Variants in SLC26A8 observed in about 807,000 individuals in gnomAD.
SLC26A8 encodes the protein solute carrier family 26 member 8.
A neutral mutation model predicts 105.0 loss-of-function variants in SLC26A8; 70 were observed. The observed-to-expected ratio is 0.67, with a 90% CI of 0.55 to 0.81. The LOEUF is 0.81. Among genes scored for constraint, SLC26A8 ranks in the 40% least tolerant of loss-of-function variants. The probability of loss-of-function intolerance (pLI) is 0.00; values close to 1 mark genes in which losing one functional copy is unlikely to be tolerated. For missense variants in SLC26A8, 998 were observed against 1,181.8 expected, an observed-to-expected ratio of 0.84 and a Z score of 2.28; for synonymous variants, 415 against 438.3, an observed-to-expected ratio of 0.95 and a Z score of 0.66.
intron 2 of SLC26A8, among the ~76,000 whole-genome samples, chr6:36,013,762 A>G (rs953422357): frequency 6.6e-6 from 1 of 152,222 alleles, no homozygotes; most frequent in Non-Finnish European, 1.5e-5. Context: ...TGAGCTAGAT[A>G]ATTGGGATTT....
intron 12 of SLC26A8, among the ~76,000 whole-genome samples, chr6:35,961,465 T>C (rs1772306056): frequency 6.6e-6 from 1 of 152,258 alleles, no homozygotes; most frequent in Non-Finnish European, 1.5e-5. Flanking sequence ...ATAAGAGTTG[T>C]TGCAAATCTT....
intron 16 of SLC26A8, among the ~76,000 whole-genome samples, chr6:35,957,769 G>C (rs1331560031): frequency 1.3e-5 from 2 of 152,068 alleles, no homozygotes; most frequent in Non-Finnish European, 2.9e-5. Context: ...ACTATGCTGG[G>C]CTAATTTTGT....
At chr6:36,018,704 C>T (rs1762054565) in intron 2 of SLC26A8, among the ~76,000 whole-genome samples, 1 of 152,132 alleles carries the variant, frequency 6.6e-6, no homozygotes, top group Admixed American at 6.6e-5. Context: ...AAAAATTATT[C>T]TGAAAGATGT....
chr6:35,959,289 T>C (rs1562022574), intron 16 of SLC26A8, among the ~76,000 whole-genome samples, 171 bp downstream of exon 16: 1 of 152,128 alleles, frequency 6.6e-6, no homozygotes, highest in African/African-American at 2.4e-5. Context: ...CTTTTTTTTT[T>C]CAGTCAAGCC....
At chr6:35,961,975 C>G (rs1772321108) in intron 12 of SLC26A8, among the ~76,000 whole-genome samples, 1 of 152,206 alleles carries the variant, frequency 6.6e-6, no homozygotes, top group East Asian at 1.9e-4. Context: ...CGCCTGTAAT[C>G]CCAGCACTTT....
chr6:36,020,014 T>C (rs998118901), intron 1 of SLC26A8, among the ~76,000 whole-genome samples: 3 of 152,202 alleles, frequency 2.0e-5, no homozygotes, highest in Non-Finnish European at 4.4e-5. Flanking sequence ...TGTTATGTTG[T>C]AGGAAAATGA....
chr6:35,999,926 A>G (rs1209282129), intron 4 of SLC26A8, 66 bp downstream of exon 4: 5 of 1,083,382 alleles, frequency 4.6e-6, no homozygotes, highest in Non-Finnish European at 7.0e-6. Flanking sequence ...TGGGTACCTT[A>G]GCAATAAGTA....
Position 35,960,861 on chromosome 6 carries a change from G to C in SLC26A8, c.1620C>G (p.Ser540Arg). 6.2e-7 allele frequency: 1 copy of C among 1,614,156 alleles called. No homozygotes were observed. Among genetic ancestry groups the C allele is most frequent in the Non-Finnish European group, 8.5e-7 (1 of 1,180,020 alleles). Residue 540 changes from serine (S) to arginine (R), a missense_variant, in exon 14 of 20, where the codon AGC (serine) becomes AGG (arginine). Coordinates refer to ENST00000490799, the MANE Select transcript of SLC26A8 (RefSeq NM_052961.4). ...TTCTTACCTCCCGATAATCATTGAT[G>C]CTTCTATAAATGTTGGTGTTAGGGA... ...GQIPNTNIYR[S>R]INDYREIITI...
Position 35,943,863 on chromosome 6 carries a change from G to T in SLC26A8, c.*37C>A, listed in dbSNP as rs766100778. 1 of 1,594,802 alleles carries T rather than the reference G, an allele frequency of 6.3e-7. No individual in the cohort carries two copies. Among genetic ancestry groups the T allele is most frequent in the South Asian group, 1.1e-5 (1 of 88,742 alleles). The stretch of plus-strand genomic sequence containing the variant: ...GACCCCTTTTTGGGTAGGAGGATTT[G>T]CCAGCATTATCTGACCCCTTATTTC... On this transcript the variant is annotated 3_prime_UTR_variant, in exon 20 of 20. Coordinates refer to ENST00000490799, the MANE Select transcript of SLC26A8 (RefSeq NM_052961.4).
In SLC26A8 at chr6:35,951,463, G is replaced by C. The variant is rs1302970079; in HGVS notation, c.2269C>G (p.Leu757Val). ...TACTCACAGTGACACCCTGCAATGA[G>C]TATCAAAATGTTGGCGTTTTGAAAG... ...NAFQNANILI[L>V]IAGCHSSIVR... is the part of the protein sequence containing the mutation. Residue 757 changes from leucine to valine, a missense_variant, in exon 18 of 20, where the codon CTC becomes GTC. Transcript: ENST00000490799. 1 of 1,614,174 alleles carries C rather than the reference G, an allele frequency of 6.2e-7. No individual in the cohort carries two copies. The highest frequency in any genetic ancestry group is 1.1e-5 in the South Asian group (1 of 91,080).
chr6:35,989,914 TTTG>T (rs1452059738), intron 7 of SLC26A8: 1 of 108,504 alleles, frequency 9.2e-6, no homozygotes, highest in East Asian at 2.4e-4. Flanking sequence ...TGTTTGTTTG[TTTG>T]TTTTCTTTTC....
intron 2 of SLC26A8, 131 bp from the exon 3 acceptor site, chr6:36,012,503 T>G: frequency 1.0e-6 from 1 of 987,626 alleles, no homozygotes; most frequent in African/African-American, 1.7e-5. Flanking sequence ...GTTTGACATA[T>G]TGGACCAGAT....
intron 7 of SLC26A8, among the ~76,000 whole-genome samples, chr6:35,991,239 A>T (rs1460974593): frequency 6.2e-5 from 2 of 32,002 alleles, no homozygotes; most frequent in Non-Finnish European, 9.5e-5. Context: ...TGTCTCTATT[A>T]AAAAAAATAC....
chr6:36,011,720 A>C (rs1290287995), intron 3 of SLC26A8, among the ~76,000 whole-genome samples: 2 of 151,822 alleles, frequency 1.3e-5, no homozygotes, highest in Non-Finnish European at 2.9e-5. Flanking sequence ...TGATCCTCCC[A>C]CCTTGGCCTC....
At chr6:36,024,390 G>A (rs1181928662) in intron 1 of SLC26A8, 114 bp downstream of exon 1, 2 of 446,932 alleles carry the variant, frequency 4.5e-6, no homozygotes, top group Non-Finnish European at 8.9e-6. Context: ...CTGACTGAGT[G>A]CCCACGGCGT....
chr6:36,023,191 A>T (rs1039944005), intron 1 of SLC26A8, among the ~76,000 whole-genome samples: 1 of 151,472 alleles, frequency 6.6e-6, no homozygotes, highest in Non-Finnish European at 1.5e-5. Context: ...CCATCCATCC[A>T]TCCATCCATC....
intron 2 of SLC26A8, among the ~76,000 whole-genome samples, chr6:36,015,627 G>T (rs1398122963): frequency 6.6e-6 from 1 of 152,090 alleles, no homozygotes; most frequent in Non-Finnish European, 1.5e-5. Context: ...TATAATGAGG[G>T]TAAAGTTAGG....
chr6:35,974,047 G>A (rs369998926), intron 10 of SLC26A8, among the ~76,000 whole-genome samples: 1 of 152,214 alleles, frequency 6.6e-6, no homozygotes, highest in East Asian at 1.9e-4. Flanking sequence ...GCCGGGCCCG[G>A]TGGTTCATGC....
At chr6:35,984,453 G>C (rs1227745018) in intron 7 of SLC26A8, among the ~76,000 whole-genome samples, 1 of 151,276 alleles carries the variant, frequency 6.6e-6, no homozygotes, top group Non-Finnish European at 1.5e-5. Context: ...CTCCTGAGTA[G>C]CTAGGACTAC....
Sources: allele counts gnomAD v4.1 joint callset (sites outside exome capture counted in the v4.1 genomes callset), GRCh38; gene constraint gnomAD v4.1.1; transcripts MANE v1.5; gene names NCBI Gene and HGNC (gene_info 2026-07-23, HGNC 2026-07-21).